Variants in TOX2 observed in about 807,000 individuals in gnomAD.
TOX2 encodes TOX high mobility group box family member 2, also known as granulosa cell HMG box 1.
A neutral mutation model predicts 47.4 loss-of-function variants in TOX2; 15 were observed. The observed-to-expected ratio is 0.32, with a 90% CI of 0.21 to 0.49. The LOEUF (loss-of-function observed/expected upper bound fraction) is 0.49, where lower values mean the gene tolerates loss of function less well. TOX2 is among the 20% of genes least tolerant of loss of function. The pLI, the probability that TOX2 is intolerant of heterozygous loss-of-function variation, is 0.99. For missense variants in TOX2, 622 were observed against 673.1 expected, an observed-to-expected ratio of 0.92 and a Z score of 0.84; for synonymous variants, 290 against 296.6, an observed-to-expected ratio of 0.98 and a Z score of 0.23.
At chr20:43,952,371 C>G (rs1407570816) in intron 1 of TOX2, among the ~76,000 whole-genome samples, 1 of 152,056 alleles carries the variant, frequency 6.6e-6, no homozygotes, top group Admixed American at 6.6e-5. Context: ...GTTATGCTGC[C>G]GTAACAACCC....
At chr20:44,020,146 G>A (rs922479785) in intron 3 of TOX2, among the ~76,000 whole-genome samples, 1 of 152,236 alleles carries the variant, frequency 6.6e-6, no homozygotes, top group Non-Finnish European at 1.5e-5. Context: ...GCTATCTGGA[G>A]CCGCGCTAGA....
rs141549161 is a variant in TOX2, at chr20:44,051,536, G to T, written c.642G>T (p.Val214=). ...SSSTQEEESE[V]HFKISGEKRP... is the part of the protein sequence containing the mutation. ...CCACTCAGGAAGAGGAGTCGGAAGT[G>T]CATTTCAAGGTATGTGCGGTGGAGG... Residue 214 remains valine, a synonymous_variant, in exon 4 of 9, where the codon GTG becomes GTT. Transcript: ENST00000341197. 6,816 of 1,593,550 alleles carry T rather than the reference G, an allele frequency of 4.3e-3. 28 individuals carry two copies. The highest frequency in any genetic ancestry group is 5.2e-3 in the Non-Finnish European group (6,056 of 1,166,962).
chr20:43,941,241 G>T (rs1342821760), intron 1 of TOX2, among the ~76,000 whole-genome samples: 1 of 151,954 alleles, frequency 6.6e-6, no homozygotes, highest in Non-Finnish European at 1.5e-5. Context: ...AAAAAAAGTT[G>T]GTTCTAGGAC....
chr20:43,962,298 G>A lies in TOX2; in HGVS notation c.100-11069G>A, dbSNP rs1451651543. On this transcript the variant is annotated intron_variant, in intron 1 of 8. Transcript: ENST00000341197. ...CTCTGGGCAGCTGCAGCTGGTGAGT[G>A]TACTGGGATGGGACTCACTGGTGGT... Among the ~76,000 whole-genome samples, 6 of 152,228 alleles carry A rather than the reference G, an allele frequency of 3.9e-5. 1 individual carries two copies. Among genetic ancestry groups the A allele is most frequent in the African/African-American group, 4.8e-5 (2 of 41,468 alleles).
At chr20:43,917,297 C>G (rs554321919) in intron 1 of TOX2, among the ~76,000 whole-genome samples, 16 of 152,108 alleles carry the variant, frequency 1.1e-4, no homozygotes, top group Non-Finnish European at 2.2e-4. Context: ...CAGGAACTCC[C>G]CTTTTCTGGC....
chr20:43,960,120 A>G (rs966336862), intron 1 of TOX2, among the ~76,000 whole-genome samples: 5 of 152,166 alleles, frequency 3.3e-5, no homozygotes, highest in African/African-American at 1.2e-4. Flanking sequence ...ATAGGAACGG[A>G]TGTTTGTCAT....
At chr20:44,003,086 G>A (rs141202796) in intron 2 of TOX2, among the ~76,000 whole-genome samples, 146 of 152,174 alleles carry the variant, frequency 9.6e-4, no homozygotes, top group African/African-American at 3.4e-3. Flanking sequence ...TGCCTCCTGC[G>A]TGATAGGGAC....
At chr20:43,942,973 A>G (rs1461932736) in intron 1 of TOX2, among the ~76,000 whole-genome samples, 1 of 152,212 alleles carries the variant, frequency 6.6e-6, no homozygotes, top group Non-Finnish European at 1.5e-5. Flanking sequence ...GAGGGGCCAC[A>G]GCGATGGGAC....
rs2069040456 is a variant in TOX2 at position 43,915,016 on chromosome 20, C to T, written c.99+26C>T. On this transcript the variant is annotated intron_variant, in intron 1 of 8. Coordinates refer to ENST00000341197, the MANE Select transcript of TOX2 (RefSeq NM_001098797.2). This position sits in a 1 kb window ranked among gnomAD's most constrained non-coding sequence, Gnocchi z 7.1. ...GTAGGCGGGGGCGGGCGGGGGTCCC[C>T]GGCGGGCGGGGCCGGAGTCACCTGG... The T allele has an allele frequency of 3.3e-6, 4 of 1,225,420 alleles. No homozygotes were observed. The Admixed American group carries it at 1.3e-4, about 41-fold the overall frequency. 75.9% of individuals were successfully genotyped at this position (1,225,420 alleles called of 1,614,324 possible). A position where few individuals can be genotyped will look rare whatever the true frequency, so the allele number is the denominator to read the frequency against.
At position 43,984,438 on chromosome 20, in the gene TOX2, T is replaced by G. The variant is rs1407725254; in HGVS notation, c.165+11006T>G. ...CTAATGAGCTCTTCCCCATCAACCCTAAACACATACTCAGAAAAAATGGCC... is the reference window on the plus strand; with the variant it reads ...CTAATGAGCTCTTCCCCATCAACCCGAAACACATACTCAGAAAAAATGGCC... On this transcript the variant is annotated intron_variant, in intron 2 of 8. Coordinates refer to ENST00000341197, the MANE Select transcript of TOX2 (RefSeq NM_001098797.2). 2.0e-5 allele frequency among the ~76,000 whole-genome samples: 3 copies of G among 152,328 alleles called. No individual in the cohort carries two copies. The South Asian group carries it at 6.2e-4, about 32-fold the overall frequency.
chr20:43,975,831 G>C (rs2070067797), intron 2 of TOX2, among the ~76,000 whole-genome samples: 1 of 152,112 alleles, frequency 6.6e-6, no homozygotes, highest in African/African-American at 2.4e-5. Context: ...GTCCAATGCT[G>C]TGTATCCCAG....
At chr20:43,932,124 T>G (rs1271154032) in intron 1 of TOX2, among the ~76,000 whole-genome samples, 4 of 152,012 alleles carry the variant, frequency 2.6e-5, no homozygotes, top group Non-Finnish European at 5.9e-5. Flanking sequence ...GAAGTAAAAT[T>G]TCTGGGTCAA....
intron 2 of TOX2, 63 bp from the exon 3 acceptor site, chr20:44,006,484 G>A: frequency 6.5e-7 from 1 of 1,546,156 alleles, no homozygotes; most frequent in Non-Finnish European, 8.7e-7. Flanking sequence ...TATTGGTGCT[G>A]TTGGGTATGT....
intron 3 of TOX2, among the ~76,000 whole-genome samples, chr20:44,050,290 A>G (rs2071487339): frequency 2.0e-5 from 3 of 152,246 alleles, no homozygotes; most frequent in Non-Finnish European, 4.4e-5. Flanking sequence ...AAGACAAAGA[A>G]TTAGAAAACA....
At chr20:44,018,673 A>T (rs80047985) in intron 3 of TOX2, among the ~76,000 whole-genome samples, 1 of 152,146 alleles carries the variant, frequency 6.6e-6, no homozygotes, top group African/African-American at 2.4e-5. Flanking sequence ...GTCCATTTAG[A>T]ACTCGGAGCC....
chr20:44,021,573 C>T (rs138222476), intron 3 of TOX2, among the ~76,000 whole-genome samples: 20 of 152,284 alleles, frequency 1.3e-4, no homozygotes, highest in Non-Finnish European at 2.6e-4. Flanking sequence ...TGTATCCCTC[C>T]TCTGAGAAGC....
chr20:43,964,075 CTG>C (rs924344413), intron 1 of TOX2, among the ~76,000 whole-genome samples: 4 of 151,612 alleles, frequency 2.6e-5, no homozygotes, highest in African/African-American at 9.7e-5. Context: ...GATGAGAAAA[CTG>C]AGACACAGTA....
chr20:44,018,730 C>T (rs1195694193), intron 3 of TOX2, among the ~76,000 whole-genome samples: 1 of 152,190 alleles, frequency 6.6e-6, no homozygotes, highest in Non-Finnish European at 1.5e-5. Flanking sequence ...AATATTAAAG[C>T]TCCAGGAGAG....
intron 1 of TOX2, among the ~76,000 whole-genome samples, chr20:43,970,679 C>T (rs2069949365): frequency 6.6e-6 from 1 of 152,242 alleles, no homozygotes; most frequent in Non-Finnish European, 1.5e-5. Flanking sequence ...CATGGTCACA[C>T]ATCAAGTCAA....
Sources: allele counts gnomAD v4.1 joint callset (sites outside exome capture counted in the v4.1 genomes callset), GRCh38; gene constraint gnomAD v4.1.1; non-coding constraint Gnocchi (gnomAD v3.1); transcripts MANE v1.5; gene names NCBI Gene and HGNC (gene_info 2026-07-23, HGNC 2026-07-21).